The following PAM variants were observed in gnomAD, a reference collection of about 807,000 sequenced individuals.
PAM encodes peptidyl-glycine alpha-amidating monooxygenase.
Under a neutral mutation model 122.1 loss-of-function variants are expected in PAM, and 72 were observed. The ratio of observed to expected loss-of-function variants is 0.59; its 90% confidence interval spans 0.49 to 0.72. The LOEUF is 0.72. PAM is among the 30% of genes least tolerant of loss of function. PAM has a pLI of 0.00. For missense variants in PAM, 1,106 were observed against 1,183.7 expected, an observed-to-expected ratio of 0.93 and a Z score of 0.96; for synonymous variants, 389 against 404.4, an observed-to-expected ratio of 0.96 and a Z score of 0.46.
At chr5:102,866,957 T>A (rs1785771616) in intron 2 of PAM, among the ~76,000 whole-genome samples, 1 of 152,224 alleles carries the variant, frequency 6.6e-6, no homozygotes, top group Admixed American at 6.5e-5. Flanking sequence ...AGATATATGT[T>A]TTGACATATT....
intron 21 of PAM, among the ~76,000 whole-genome samples, chr5:103,016,878 A>C (rs1782170061): frequency 6.6e-6 from 1 of 152,214 alleles, no homozygotes; most frequent in Non-Finnish European, 1.5e-5. Flanking sequence ...TTAAGGTAGC[A>C]CATGATAGCT....
intron 3 of PAM, among the ~76,000 whole-genome samples, chr5:102,882,832 C>G (rs1280803661): frequency 6.6e-6 from 1 of 151,910 alleles, no homozygotes; most frequent in Admixed American, 6.6e-5. Context: ...ATGTTATCTT[C>G]TAGAATTTTT....
At chr5:103,008,943 T>G (rs192701970) in intron 20 of PAM, among the ~76,000 whole-genome samples, 178 of 152,262 alleles carry the variant, frequency 1.2e-3, no homozygotes, top group African/African-American at 4.1e-3. Flanking sequence ...CAATAGTAAT[T>G]GATGTTTATA....
chr5:102,985,583 T>G (rs1423601415), intron 15 of PAM, among the ~76,000 whole-genome samples: 2 of 151,888 alleles, frequency 1.3e-5, no homozygotes, highest in Non-Finnish European at 2.9e-5. Context: ...CAATAACAGG[T>G]AATGAGATTG....
chr5:102,920,603 T>C (rs1223153420), intron 5 of PAM, among the ~76,000 whole-genome samples: 1 of 152,110 alleles, frequency 6.6e-6, no homozygotes, highest in Non-Finnish European at 1.5e-5. Flanking sequence ...CAGGTAATAG[T>C]ATTTGAATAT....
intron 1 of PAM, among the ~76,000 whole-genome samples, chr5:102,828,493 C>T (rs989292890): frequency 1.3e-5 from 2 of 152,180 alleles, no homozygotes; most frequent in Non-Finnish European, 2.9e-5. Context: ...CTAGGGAACA[C>T]TAGCTGCTGC....
intron 16 of PAM, among the ~76,000 whole-genome samples, chr5:102,992,950 C>G (rs1454427102): frequency 1.3e-5 from 2 of 152,014 alleles, no homozygotes; most frequent in African/African-American, 4.8e-5. Flanking sequence ...CTAATTAATA[C>G]TCAGTACCCA....
intron 25 of PAM, among the ~76,000 whole-genome samples, chr5:103,028,680 A>G (rs1335374676): frequency 6.6e-6 from 1 of 152,174 alleles, no homozygotes; most frequent in African/African-American, 2.4e-5. Context: ...AATACATAAT[A>G]CTTGGGAGCT....
chr5:102,969,581 A>G (rs1765212745), intron 14 of PAM, among the ~76,000 whole-genome samples: 1 of 152,186 alleles, frequency 6.6e-6, no homozygotes, highest in African/African-American at 2.4e-5. Context: ...AAATCAGCCT[A>G]GGTTGGACCT....
intron 7 of PAM, among the ~76,000 whole-genome samples, chr5:102,939,713 A>C (rs193287988): frequency 2.0e-3 from 299 of 152,196 alleles, no homozygotes; most frequent in Non-Finnish European, 3.6e-3. Context: ...CAAATGTATG[A>C]GGTATAATGT....
chr5:102,802,661 T>C (rs886066026), intron 1 of PAM, among the ~76,000 whole-genome samples: 1 of 152,158 alleles, frequency 6.6e-6, no homozygotes, highest in Non-Finnish European at 1.5e-5. Flanking sequence ...GGGCCCTTAC[T>C]TGGCCAGTTT....
chr5:102,777,675 G>A (rs1206158323), intron 1 of PAM, among the ~76,000 whole-genome samples: 1 of 152,040 alleles, frequency 6.6e-6, no homozygotes, highest in Non-Finnish European at 1.5e-5. Context: ...AGAGGTAAGT[G>A]ATTTATACTT....
intron 1 of PAM, among the ~76,000 whole-genome samples, chr5:102,811,063 T>C (rs2150193384): frequency 6.6e-6 from 1 of 152,326 alleles, no homozygotes; most frequent in Non-Finnish European, 1.5e-5. Context: ...CATGGCAGCA[T>C]ACTCTCTAGT....
chr5:102,795,114 C>T lies in PAM; in HGVS notation c.-374+39766C>T, dbSNP rs145003195. Among the ~76,000 whole-genome samples the T allele has an allele frequency of 9.4e-3, 1,318 of 140,278 alleles. 9 individuals carry two copies. The highest frequency in any genetic ancestry group is 0.014 in the Non-Finnish European group (895 of 66,002). The allele number at this position is 140,278 out of a possible 152,430, so 92.0% of individuals were successfully genotyped here. ...CTGAGGCAGGAGAATCACTTGAACC[C>T]GGGAGGTTGAGGCCATAGTGAGTCA... is the stretch of plus-strand genomic sequence containing the variant. On this transcript the variant is annotated intron_variant, in intron 1 of 25. Transcript: ENST00000438793.
rs780621020 is a variant in PAM, at chr5:102,990,343, C to G, written c.1555C>G (p.Leu519Val). 4.3e-6 allele frequency: 7 copies of G among 1,609,898 alleles called. No individual in the cohort carries two copies. Among genetic ancestry groups the G allele is most frequent in the South Asian group, 2.2e-5 (2 of 90,602 alleles). ...LLPGQVSGVA[L>V]DPKNNLVIFH... The stretch of plus-strand genomic sequence containing the variant: ...ACCAGGCCAGGTTTCTGGGGTGGCT[C>G]TAGACCCTAAGAATAACCTGGTGAT... Residue 519 changes from leucine to valine, a missense_variant, in exon 16 of 26, where the codon CTA becomes GTA. By Grantham distance (32) the Leu-to-Val change is conservative. Around this residue, in one of 3 missense-constraint regions of PAM, gnomAD observed 670 missense variants for 690.3 expected, o/e 0.97. Coordinates refer to ENST00000438793, the MANE Select transcript of PAM (RefSeq NM_001177306.2).
At chr5:102,926,736 C>A in intron 7 of PAM, 68 bp downstream of exon 7, 1 of 785,386 alleles carries the variant, frequency 1.3e-6, no homozygotes, top group South Asian at 1.6e-5. Context: ...CATGCACAAA[C>A]TATTATCTAC....
In PAM at chr5:102,864,334, G is replaced by A. The variant is rs1406733548; in HGVS notation, c.-373-1489G>A. Among the ~76,000 whole-genome samples the A allele has an allele frequency of 2.0e-5, 3 of 151,900 alleles. No homozygotes were observed. The East Asian group carries it at 5.8e-4, about 29-fold the overall frequency. ...GTTCTTTCCTTTACCCACAGGATAA[G>A]GATAAAGCTGAAGGTTTTTGTTTCT... On this transcript the variant is annotated intron_variant, in intron 1 of 25. Coordinates refer to ENST00000438793, the MANE Select transcript of PAM (RefSeq NM_001177306.2).
chr5:102,801,809 C>T (rs1764791488), intron 1 of PAM, among the ~76,000 whole-genome samples: 1 of 125,560 alleles, frequency 8.0e-6, no homozygotes, highest in African/African-American at 3.2e-5. Context: ...GACGGAGTCT[C>T]GCTCTGTCGC....
chr5:103,000,202 C>T (rs1181880791), intron 16 of PAM, among the ~76,000 whole-genome samples: 1 of 152,172 alleles, frequency 6.6e-6, no homozygotes, highest in African/African-American at 2.4e-5. Context: ...TCATCTTCCA[C>T]CTAAATCATC....
Sources: allele counts gnomAD v4.1 joint callset (sites outside exome capture counted in the v4.1 genomes callset), GRCh38; gene constraint gnomAD v4.1.1; regional missense constraint gnomAD v4.1.1; transcripts MANE v1.5; gene names NCBI Gene and HGNC (gene_info 2026-07-23, HGNC 2026-07-21).